The following MATN2 variants were observed in gnomAD, a reference collection of about 807,000 sequenced individuals.
The protein encoded by MATN2 is matrilin-2.
MATN2 carries 69 observed loss-of-function variants against 103.2 expected under a neutral mutation model. That is an observed-to-expected ratio of 0.67 (90% CI 0.55 to 0.82). The LOEUF (loss-of-function observed/expected upper bound fraction) is 0.82, where lower values mean the gene tolerates loss of function less well. Among genes scored for constraint, MATN2 ranks in the 40% least tolerant of loss-of-function variants. The pLI, the probability that MATN2 is intolerant of heterozygous loss-of-function variation, is 0.00. For missense variants in MATN2, 1,023 were observed against 1,211.5 expected, an observed-to-expected ratio of 0.84 and a Z score of 2.31; for synonymous variants, 429 against 450.2, an observed-to-expected ratio of 0.95 and a Z score of 0.60.
intron 12 of MATN2, among the ~76,000 whole-genome samples, chr8:98,020,685 T>C (rs1291769711): frequency 2.0e-5 from 3 of 152,200 alleles, no homozygotes; most frequent in African/African-American, 7.2e-5. Context: ...TCTCATGCTA[T>C]GGAGGAGCAC....
At chr8:97,965,158 C>T (rs1194767820) in intron 5 of MATN2, among the ~76,000 whole-genome samples, 2 of 152,158 alleles carry the variant, frequency 1.3e-5, no homozygotes, top group African/African-American at 4.8e-5. Context: ...TTGACTTAAA[C>T]TGTTAAGTTC....
rs777785582 is a variant in MATN2 at position 98,027,501 on chromosome 8, G to A, written c.2028G>A (p.Gln676=). 5.0e-6 allele frequency: 8 copies of A among 1,613,918 alleles called. No individual in the cohort carries two copies. Among genetic ancestry groups the A allele is most frequent in the Non-Finnish European group, 6.8e-6 (8 of 1,179,878 alleles). Residue 676 remains glutamine, a synonymous_variant, in exon 14 of 19, where the codon CAG becomes CAA. Transcript: ENST00000254898. The part of the protein sequence containing the change: ...LGEENFEVVK[Q]FVTGIIDSLT... ...AAGAGAATTTTGAGGTCGTGAAGCA[G>A]TTTGTCACTGGAATTATAGATTCCT...
chr8:98,030,172 T>C (rs1370156983), intron 14 of MATN2, among the ~76,000 whole-genome samples: 3 of 152,222 alleles, frequency 2.0e-5, no homozygotes, highest in African/African-American at 7.2e-5. Context: ...TCCAGAAGGC[T>C]AATTCAGGGG....
chr8:97,899,044 C>G (rs1818903484), intron 2 of MATN2, among the ~76,000 whole-genome samples: 1 of 152,124 alleles, frequency 6.6e-6, no homozygotes, highest in Non-Finnish European at 1.5e-5. Flanking sequence ...GCATAAACCA[C>G]CACACCCCGC....
chr8:97,994,332 T>G, intron 6 of MATN2, 148 bp from the exon 7 acceptor site: 1 of 733,970 alleles, frequency 1.4e-6, no homozygotes, highest in Non-Finnish European at 2.2e-6. Flanking sequence ...AACATGGAAG[T>G]AGCTTTATTG....
At position 97,888,256 on chromosome 8, in the gene MATN2, C is replaced by T. The variant is rs370121449; in HGVS notation, c.142+14C>T. ...CGGCCCTTCTGGGTGAGTGGTGGTG[C>T]TCACCCCCAAAAGTGGGCAGGTGGG... On this transcript the variant is annotated intron_variant, in intron 2 of 18. Coordinates refer to ENST00000254898, the MANE Select transcript of MATN2 (RefSeq NM_002380.5). 26 of 1,529,044 alleles carry T rather than the reference C, an allele frequency of 1.7e-5. No homozygotes were observed. The highest frequency in any genetic ancestry group is 2.2e-5 in the Non-Finnish European group (25 of 1,136,410). The allele number at this position is 1,529,044 out of a possible 1,614,324, so 94.7% of individuals were successfully genotyped here.
In MATN2 at chr8:97,991,277, T is replaced by C. The variant is rs1049780575; in HGVS notation, c.1082-3203T>C. Among the ~76,000 whole-genome samples, 16 of 152,202 alleles carry C rather than the reference T, an allele frequency of 1.1e-4. 1 individual carries two copies. Among genetic ancestry groups the C allele is most frequent in the Non-Finnish European group, 1.9e-4 (13 of 68,036 alleles). On this transcript the variant is annotated intron_variant, in intron 6 of 18. Transcript: ENST00000254898. ...GTTTTGTTTGTTAGAGACAGGCTCTTGCTTTGTTGCCCAGGCTGGACTGCA... is the reference window on the plus strand; with the variant it reads ...GTTTTGTTTGTTAGAGACAGGCTCTCGCTTTGTTGCCCAGGCTGGACTGCA...
chr8:97,979,586 A>C (rs1452413631), intron 6 of MATN2, among the ~76,000 whole-genome samples: 1 of 152,246 alleles, frequency 6.6e-6, no homozygotes, highest in East Asian at 1.9e-4. Context: ...TAGTTTTGCA[A>C]AAAAGATAAT....
intron 6 of MATN2, among the ~76,000 whole-genome samples, chr8:97,988,169 A>ATTATATATATATATATATAT (rs57037125): frequency 1.5e-5 from 1 of 64,532 alleles, no homozygotes; most frequent in African/African-American, 8.1e-5. Flanking sequence ...AAAAAAAAAA[A>ATTATATATATATATATATAT]AAATATATAT....
chr8:97,937,505 G>A (rs994276540), intron 3 of MATN2, among the ~76,000 whole-genome samples: 1 of 151,582 alleles, frequency 6.6e-6, no homozygotes, highest in African/African-American at 2.4e-5. Context: ...TATGGCACAT[G>A]GCCAAAATAA....
intron 14 of MATN2, among the ~76,000 whole-genome samples, chr8:98,028,597 T>A (rs1813895852): frequency 6.6e-6 from 1 of 152,124 alleles, no homozygotes; most frequent in Non-Finnish European, 1.5e-5. Context: ...AAACTGCTTT[T>A]TTTTTTTGAG....
At chr8:97,981,331 T>C (rs892603428) in intron 6 of MATN2, among the ~76,000 whole-genome samples, 3 of 152,098 alleles carry the variant, frequency 2.0e-5, no homozygotes, top group African/African-American at 7.2e-5. Context: ...TTCCAACTCC[T>C]GGGCTCAAGC....
intron 1 of MATN2, among the ~76,000 whole-genome samples, chr8:97,887,132 T>C (rs940123777): frequency 6.6e-6 from 1 of 152,176 alleles, no homozygotes. Context: ...CCTCAAGTGA[T>C]GTGCCCACCT....
intron 1 of MATN2, among the ~76,000 whole-genome samples, chr8:97,881,692 T>G (rs1043322275): frequency 1.3e-5 from 2 of 152,222 alleles, no homozygotes; most frequent in African/African-American, 2.4e-5. Flanking sequence ...TCATTCCATT[T>G]TCCAGTTAGA....
rs71271175 is a variant in MATN2, at chr8:97,949,171, A to ATTTT, written c.835+7285_835+7288dup. On this transcript the variant is annotated intron_variant, in intron 4 of 18. Coordinates refer to ENST00000254898, the MANE Select transcript of MATN2 (RefSeq NM_002380.5). Reference sequence around the variant, plus strand: ...TATCACTATACCTCCACTAGAATGGATTTTTTTTTTTTTTTTGAGACAGAG... The same window carrying ATTTT: ...TATCACTATACCTCCACTAGAATGGATTTTTTTTTTTTTTTTTTTTGAGACAGAG... Among the ~76,000 whole-genome samples the ATTTT allele has an allele frequency of 8.1e-3, 1,135 of 140,456 alleles. 38 individuals carry two copies. Among genetic ancestry groups the ATTTT allele is most frequent in the Admixed American group, 0.051 (710 of 13,842 alleles). The allele number at this position is 140,456 out of a possible 152,430, so 92.1% of individuals were successfully genotyped here. A position where few individuals can be genotyped will look rare whatever the true frequency, so the allele number is the denominator to read the frequency against.
rs368734164 is a variant in MATN2 at position 97,931,051 on chromosome 8, G to A, written c.241G>A (p.Val81Met). 1.5e-5 allele frequency: 24 copies of A among 1,614,010 alleles called. No individual in the cohort carries two copies. The highest frequency in any genetic ancestry group is 6.7e-5 in the African/African-American group (5 of 75,048). ...HDYAKVKEFIVDILQFLDIGP... is the reference protein window; with the variant it reads ...HDYAKVKEFIMDILQFLDIGP... ...CTATGCAAAGGTCAAGGAGTTCATC[G>A]TGGACATCTTGCAATTCTTGGACAT... is the stretch of plus-strand genomic sequence containing the variant. Residue 81 changes from valine (V) to methionine (M), a missense_variant, in exon 3 of 19, where the codon GTG (valine) becomes ATG (methionine). By Grantham distance (21) the Val-to-Met change is conservative (BLOSUM62 1). Coordinates refer to ENST00000254898, the MANE Select transcript of MATN2 (RefSeq NM_002380.5). The surrounding 1 kb of genome is among the most constrained non-coding windows in gnomAD (Gnocchi z 4.1).
In MATN2 at chr8:97,902,697, T is replaced by C. The variant is rs1819029875; in HGVS notation, c.142+14455T>C. On this transcript the variant is annotated intron_variant, in intron 2 of 18. Coordinates refer to ENST00000254898, the MANE Select transcript of MATN2 (RefSeq NM_002380.5). ...AACACCTGGCTTTTGTAGAAGATCT[T>C]CACAGTTTTTCAAAGCACCCATCCC... Among the ~76,000 whole-genome samples, 3 of 151,956 alleles carry C rather than the reference T, an allele frequency of 2.0e-5. No individual in the cohort carries two copies. The South Asian group carries it at 6.2e-4, about 32-fold the overall frequency.
intron 6 of MATN2, among the ~76,000 whole-genome samples, chr8:97,989,156 A>C (rs1312239636): frequency 3.9e-5 from 6 of 152,210 alleles, no homozygotes. Context: ...TTTTTTCTTT[A>C]AATAAACTTT....
intron 4 of MATN2, chr8:97,952,418 C>A (rs758303543): frequency 1.3e-5 from 2 of 152,216 alleles, no homozygotes; most frequent in Non-Finnish European, 2.9e-5. Context: ...TTGGTGAAAC[C>A]CTTTGATTTA....
Sources: allele counts gnomAD v4.1 joint callset (sites outside exome capture counted in the v4.1 genomes callset), GRCh38; gene constraint gnomAD v4.1.1; non-coding constraint Gnocchi (gnomAD v3.1); transcripts MANE v1.5; gene names NCBI Gene and HGNC (gene_info 2026-07-23, HGNC 2026-07-21).